Variants in TENM2 observed in about 807,000 individuals in gnomAD.
TENM2 encodes teneurin transmembrane protein 2.
TENM2 carries 52 observed loss-of-function variants against 245.2 expected under a neutral mutation model. The ratio of observed to expected loss-of-function variants is 0.21; its 90% confidence interval spans 0.17 to 0.27. The LOEUF is 0.27. TENM2 is among the 10% of genes least tolerant of loss of function. TENM2 has a pLI of 1.00. For synonymous variants in TENM2, 1,363 were observed against 1,438.9 expected, an observed-to-expected ratio of 0.95 and a Z score of 1.19; for missense variants, 3,046 against 3,666.8, an observed-to-expected ratio of 0.83 and a Z score of 4.37.
chr5:167,796,632 G>A (rs1386090741), intron 2 of TENM2, among the ~76,000 whole-genome samples: 1 of 152,098 alleles, frequency 6.6e-6, no homozygotes, highest in African/African-American at 2.4e-5. Context: ...GTGTGTGTGT[G>A]TGCGTGTGCA....
intron 2 of TENM2, among the ~76,000 whole-genome samples, chr5:167,484,303 CAG>C (rs1049406608): frequency 1.3e-5 from 2 of 152,140 alleles, no homozygotes; most frequent in Non-Finnish European, 1.5e-5. Flanking sequence ...CATTTGTAGA[CAG>C]AGTCTTTCCA....
intron 27 of TENM2, among the ~76,000 whole-genome samples, chr5:168,256,759 G>T (rs2152712677): frequency 6.6e-6 from 1 of 152,316 alleles, no homozygotes; most frequent in African/African-American, 2.4e-5. Flanking sequence ...ATTGTTATGT[G>T]TGTAGATGCC....
chr5:167,936,151 T>A (rs1472733957), intron 3 of TENM2, among the ~76,000 whole-genome samples: 7 of 152,122 alleles, frequency 4.6e-5, no homozygotes, highest in African/African-American at 1.7e-4. Flanking sequence ...GTTGGGAAGG[T>A]CTGTAATTTG....
chr5:167,659,677 T>C (rs918883331), intron 2 of TENM2, among the ~76,000 whole-genome samples: 2 of 152,212 alleles, frequency 1.3e-5, no homozygotes, highest in Admixed American at 6.5e-5. Flanking sequence ...AGATCAGTTC[T>C]ACATCCAGGG....
chr5:167,863,718 A>G (rs1772051483), intron 2 of TENM2, among the ~76,000 whole-genome samples: 1 of 152,266 alleles, frequency 6.6e-6, no homozygotes, highest in East Asian at 1.9e-4. Flanking sequence ...GCATGTGTTG[A>G]CTGAGGCCTA....
intron 3 of TENM2, among the ~76,000 whole-genome samples, chr5:167,941,684 CAAA>C (rs981805963): frequency 2.0e-4 from 22 of 110,004 alleles, no homozygotes; most frequent in African/African-American, 4.2e-4. Flanking sequence ...CCATCTCTAC[CAAA>C]AAAAAAAAAA....
chr5:167,807,505 A>G (rs556163284), intron 2 of TENM2, among the ~76,000 whole-genome samples: 1 of 152,168 alleles, frequency 6.6e-6, no homozygotes, highest in Admixed American at 6.6e-5. Context: ...ATGTTAACTC[A>G]TGGGAAGGCT....
At chr5:168,113,482 T>A (rs1445315167) in intron 9 of TENM2, among the ~76,000 whole-genome samples, 2 of 152,156 alleles carry the variant, frequency 1.3e-5, no homozygotes, top group Non-Finnish European at 2.9e-5. Flanking sequence ...TGACTGAGCC[T>A]CTCCAATATC....
At chr5:167,156,850 C>G in the TENM2 span, among the ~76,000 whole-genome samples, 1 of 152,120 alleles carries the variant, frequency 6.6e-6, no homozygotes, top group Non-Finnish European at 1.5e-5. Context: ...CTTGGCACCG[C>G]TTGTTTCTGA....
At chr5:167,194,331 C>T in the TENM2 span, among the ~76,000 whole-genome samples, 7 of 152,144 alleles carry the variant, frequency 4.6e-5, no homozygotes, top group African/African-American at 1.7e-4. Flanking sequence ...AAAATGCCTT[C>T]TTCCTTCCCA....
intron 2 of TENM2, among the ~76,000 whole-genome samples, chr5:167,864,416 A>G (rs150152710): frequency 0.015 from 2,216 of 152,340 alleles, 18 homozygotes; most frequent in Non-Finnish European, 0.022. Context: ...AATAACACAT[A>G]CCATTTAATT....
chr5:167,944,759 A>G (rs1392873963), intron 3 of TENM2, among the ~76,000 whole-genome samples: 2 of 152,224 alleles, frequency 1.3e-5, no homozygotes, highest in Non-Finnish European at 2.9e-5. Flanking sequence ...GATAGTGGTG[A>G]TAGTTGCATA....
intron 13 of TENM2, among the ~76,000 whole-genome samples, chr5:168,189,040 T>C (rs1190190769): frequency 1.3e-5 from 2 of 152,104 alleles, no homozygotes; most frequent in African/African-American, 4.8e-5. Flanking sequence ...AGGCCCTGAT[T>C]CTTGATTGAT....
the TENM2 span, among the ~76,000 whole-genome samples, chr5:167,092,205 G>A: frequency 1.5e-4 from 23 of 152,138 alleles, no homozygotes; most frequent in Admixed American, 4.6e-4. Context: ...ATTTAGCGAC[G>A]TGAAAACTAT....
chr5:168,027,279 C>A lies in TENM2; in HGVS notation c.1187-20148C>A, dbSNP rs73803838. Reference sequence around the variant, plus strand: ...GATCATTGGCACTTCATTAAGGAGTCTGTTCTAAGTGCACAGGGCTTTCCC... The same window carrying A: ...GATCATTGGCACTTCATTAAGGAGTATGTTCTAAGTGCACAGGGCTTTCCC... On this transcript the variant is annotated intron_variant, in intron 5 of 28. Transcript: ENST00000518659. Among the ~76,000 whole-genome samples the A allele has an allele frequency of 1.2e-3, 187 of 152,298 alleles. 1 individual carries two copies. Among genetic ancestry groups the A allele is most frequent in the African/African-American group, 4.2e-3 (176 of 41,570 alleles).
At chr5:167,256,337 C>T in the TENM2 span, among the ~76,000 whole-genome samples, 1 of 152,094 alleles carries the variant, frequency 6.6e-6, no homozygotes, top group Non-Finnish European at 1.5e-5. Context: ...CCAGTTGTTA[C>T]CCCCATGACA....
chr5:167,404,086 C>T (rs768027536), intron 2 of TENM2, among the ~76,000 whole-genome samples: 2 of 152,006 alleles, frequency 1.3e-5, no homozygotes, highest in African/African-American at 2.4e-5. Flanking sequence ...TCTTAACTTT[C>T]ATGAAGAAAA....
At chr5:167,769,923 A>G (rs1428688795) in intron 2 of TENM2, among the ~76,000 whole-genome samples, 2 of 152,064 alleles carry the variant, frequency 1.3e-5, no homozygotes, top group African/African-American at 4.8e-5. Flanking sequence ...TTTTTTCCCC[A>G]GTAAAGACAG....
rs1360384246 is a variant in TENM2, at chr5:168,218,407, A to G, written c.4516A>G (p.Thr1506Ala). 1.2e-6 allele frequency: 2 copies of G among 1,614,062 alleles called. No homozygotes were observed. Among genetic ancestry groups the G allele is most frequent in the South Asian group, 1.1e-5 (1 of 91,080 alleles). ...GATTAACCGTCTACGCCAGGTAACA[A>G]CCAACGGGGAGATCTGCCTTTTAGC... The change falls in exon 23 of 29, where the codon ACC (threonine) becomes GCC (alanine). Residue 1506 changes from threonine (T) to alanine (A), a missense_variant. By Grantham distance (58) the Thr-to-Ala change is moderately conservative. This residue lies in a region of TENM2 where 2,704 missense variants were observed against 3,331.9 expected (regional missense o/e 0.81). Coordinates refer to ENST00000518659, the Ensembl canonical transcript of TENM2. This position sits in a 1 kb window ranked among gnomAD's most constrained non-coding sequence, Gnocchi z 5.2.
Sources: allele counts gnomAD v4.1 joint callset (sites outside exome capture counted in the v4.1 genomes callset), GRCh38; gene constraint gnomAD v4.1.1; regional missense constraint gnomAD v4.1.1; non-coding constraint Gnocchi (gnomAD v3.1); transcripts MANE v1.5; gene names NCBI Gene and HGNC (gene_info 2026-07-23, HGNC 2026-07-21).